BNC2: variants seen among roughly 807,000 people sequenced by gnomAD.
BNC2 encodes the protein zinc finger protein basonuclin-2.
In BNC2, 20 loss-of-function variants were observed where a neutral mutation model predicts 76.3. The ratio of observed to expected loss-of-function variants is 0.26; its 90% CI spans 0.18 to 0.38. The LOEUF is 0.38. BNC2 is among the 10% of genes least tolerant of loss of function. The pLI is 1.00. For synonymous variants in BNC2, 582 were observed against 514.8 expected (o/e 1.13, Z -1.77); for missense variants, 1,382 against 1,399.8 (o/e 0.99, Z 0.20).
chr9:16,676,770 C>T (rs1449667596), intron 3 of BNC2, among the ~76,000 whole-genome samples: 5 of 152,194 alleles, frequency 3.3e-5, no homozygotes, highest in South Asian at 2.1e-4. Flanking sequence ...CCAGTTCACA[C>T]CACACCCAAG....
chr9:16,441,055 G>C (rs1821118413), intron 5 of BNC2, among the ~76,000 whole-genome samples: 1 of 151,940 alleles, frequency 6.6e-6, no homozygotes, highest in South Asian at 2.1e-4. Context: ...GCTGCGCGTT[G>C]TGGCTCATGC....
intron 1 of BNC2, chr9:16,775,621 C>T: frequency 5.4e-6 from 1 of 186,290 alleles, no homozygotes; most frequent in South Asian, 1.3e-4. Flanking sequence ...GACCTTGATC[C>T]CAGTGGGCCT....
chr9:16,771,650 C>G (rs1344762070), intron 1 of BNC2, among the ~76,000 whole-genome samples: 1 of 152,212 alleles, frequency 6.6e-6, no homozygotes, highest in Admixed American at 6.5e-5. Context: ...CAAGACAAAG[C>G]CTCACTCCAA....
intron 3 of BNC2, among the ~76,000 whole-genome samples, chr9:16,630,016 C>A (rs1821116166): frequency 6.6e-6 from 1 of 152,212 alleles, no homozygotes; most frequent in African/African-American, 2.4e-5. Context: ...CACACTAGGA[C>A]TTCTTTCAAA....
chr9:16,673,678 A>C (rs10810586), intron 3 of BNC2, among the ~76,000 whole-genome samples: 20,997 of 152,228 alleles, frequency 0.14, 1,605 homozygotes, highest in Middle Eastern at 0.26. Flanking sequence ...TAATCTCATA[A>C]ACAATGATCA....
At chr9:16,594,869 C>T (rs1017244862) in intron 3 of BNC2, among the ~76,000 whole-genome samples, 1 of 152,160 alleles carries the variant, frequency 6.6e-6, no homozygotes, top group Non-Finnish European at 1.5e-5. Context: ...CCTCCTCAAA[C>T]AAATCTGAGA....
intron 4 of BNC2, among the ~76,000 whole-genome samples, chr9:16,582,045 A>T (rs1429078328): frequency 1.3e-5 from 2 of 152,166 alleles, no homozygotes; most frequent in African/African-American, 2.4e-5. Flanking sequence ...AGATGTTGCT[A>T]GAATAACATG....
intron 1 of BNC2, among the ~76,000 whole-genome samples, chr9:16,811,570 A>AAG (rs1818054947): frequency 2.6e-5 from 4 of 151,632 alleles, no homozygotes; most frequent in Admixed American, 2.6e-4. Context: ...AAAAAAAAAA[A>AAG]AAAAACAGTG....
chr9:16,732,939 G>A (rs773927904), intron 2 of BNC2, among the ~76,000 whole-genome samples: 9 of 152,254 alleles, frequency 5.9e-5, no homozygotes, highest in South Asian at 4.1e-4. Flanking sequence ...TGCCATTCTC[G>A]AAGTAGAGTT....
At chr9:16,833,368 G>A (rs957804432) in intron 1 of BNC2, among the ~76,000 whole-genome samples, 2 of 152,136 alleles carry the variant, frequency 1.3e-5, no homozygotes, top group African/African-American at 4.8e-5. Flanking sequence ...CCCACTTTGA[G>A]TCTGAACTCC....
chr9:16,502,436 T>C (rs957162320), intron 5 of BNC2, among the ~76,000 whole-genome samples: 2 of 152,170 alleles, frequency 1.3e-5, no homozygotes, highest in African/African-American at 4.8e-5. Flanking sequence ...ACTTATCAGA[T>C]CTTTGTAACT....
chr9:16,551,166 T>C (rs1347991194), intron 5 of BNC2, among the ~76,000 whole-genome samples: 3 of 152,224 alleles, frequency 2.0e-5, no homozygotes, highest in African/African-American at 7.2e-5. Flanking sequence ...TAATTGCTAC[T>C]ATTATCACCA....
chr9:16,448,049 C>A (rs561182722), intron 5 of BNC2, among the ~76,000 whole-genome samples: 1 of 152,214 alleles, frequency 6.6e-6, no homozygotes, highest in East Asian at 1.9e-4. Flanking sequence ...ACAGTCCCTG[C>A]AGCGGCCTTG....
chr9:16,689,844 G>C (rs1823100796), intron 3 of BNC2, among the ~76,000 whole-genome samples: 1 of 152,120 alleles, frequency 6.6e-6, no homozygotes. Flanking sequence ...AGTTCAGGAA[G>C]ACCATCAAGT....
chr9:16,799,111 A>G (rs10810636), intron 1 of BNC2, among the ~76,000 whole-genome samples: 77,661 of 151,940 alleles, frequency 0.51, 25,611 homozygotes, highest in Non-Finnish European at 0.75. Flanking sequence ...TATAATGCAC[A>G]TTATTTTCCT....
intron 4 of BNC2, among the ~76,000 whole-genome samples, chr9:16,579,429 C>G (rs1283514571): frequency 6.6e-6 from 1 of 151,936 alleles, no homozygotes; most frequent in African/African-American, 2.4e-5. Context: ...ACCGAGAGCA[C>G]ACGCAAACAC....
At chr9:16,473,831 C>T (rs1466712440) in intron 5 of BNC2, among the ~76,000 whole-genome samples, 1 of 152,094 alleles carries the variant, frequency 6.6e-6, no homozygotes, top group African/African-American at 2.4e-5. Context: ...CGAGATTGTG[C>T]CACTGCACTC....
chr9:16,859,193 A>C (rs1163795494), intron 1 of BNC2, among the ~76,000 whole-genome samples: 1 of 152,110 alleles, frequency 6.6e-6, no homozygotes, highest in Non-Finnish European at 1.5e-5. Flanking sequence ...AAAAAAAAAA[A>C]ACAGGAAATA....
chr9:16,416,865 C>T lies in BNC2; in HGVS notation c.*2124G>A, dbSNP rs533875702. The T allele has an allele frequency of 1.0e-4, 16 of 152,610 alleles. No homozygotes were observed. The highest frequency in any genetic ancestry group is 8.3e-4 in the South Asian group (4 of 4,812). 9.5% of individuals were successfully genotyped at this position (152,610 alleles called of 1,614,324 possible). On this transcript the variant is annotated 3_prime_UTR_variant, in exon 7 of 7. Coordinates refer to ENST00000380672, the MANE Select transcript of BNC2 (RefSeq NM_017637.6). Reference sequence around the variant, plus strand: ...ATAAATACTGTGAGGTACAATAAATCCTACAGGAATAATAACAACAGAAAC... The same window carrying T: ...ATAAATACTGTGAGGTACAATAAATTCTACAGGAATAATAACAACAGAAAC...
Sources: gnomAD v4.1 joint callset for allele counts (sites outside exome capture counted in the v4.1 genomes callset) on GRCh38, gnomAD v4.1.1 for gene constraint, MANE v1.5 for transcripts, NCBI Gene and HGNC (gene_info 2026-07-23, HGNC 2026-07-21) for gene names.